PCLO: variants seen among roughly 807,000 people sequenced by gnomAD.
PCLO encodes protein piccolo.
Under a neutral mutation model 427.5 loss-of-function variants are expected in PCLO, and 82 were observed. That is an observed-to-expected ratio of 0.19 (90% CI 0.16 to 0.23). PCLO has a LOEUF of 0.23. Ranked by LOEUF, PCLO falls within the 10% of genes least tolerant of loss-of-function variation. The pLI, the probability that PCLO is intolerant of heterozygous loss-of-function variation, is 1.00. For missense variants in PCLO, 6,239 were observed against 6,115.9 expected, an observed-to-expected ratio of 1.02 and a Z score of -0.67; for synonymous variants, 2,357 against 2,155.4, an observed-to-expected ratio of 1.09 and a Z score of -2.59.
At chr7:82,763,119 A>G (rs996231640) in intron 22 of PCLO, among the ~76,000 whole-genome samples, 1 of 152,110 alleles carries the variant, frequency 6.6e-6, no homozygotes, top group African/African-American at 2.4e-5. Context: ...AAAGAAATGC[A>G]CTGAAGGATT....
intron 3 of PCLO, among the ~76,000 whole-genome samples, chr7:82,992,397 CA>C (rs1302839544): frequency 1.3e-5 from 2 of 151,922 alleles, no homozygotes; most frequent in African/African-American, 2.4e-5. Context: ...AAATGATGAC[CA>C]AAAGTTGTTC....
At chr7:83,056,544 C>T (rs544419294) in intron 3 of PCLO, among the ~76,000 whole-genome samples, 2 of 152,078 alleles carry the variant, frequency 1.3e-5, no homozygotes, top group South Asian at 2.1e-4. Flanking sequence ...TGGTCAGAAC[C>T]GTCACTTTGT....
At chr7:83,113,134 T>G (rs1284649559) in intron 3 of PCLO, among the ~76,000 whole-genome samples, 1 of 152,242 alleles carries the variant, frequency 6.6e-6, no homozygotes, top group African/African-American at 2.4e-5. Context: ...ATTTACTTCC[T>G]AATCGTTACA....
intron 10 of PCLO, among the ~76,000 whole-genome samples, chr7:82,876,480 ACACACACATACAC>A (rs1164394062): frequency 1.3e-5 from 2 of 150,448 alleles, no homozygotes; most frequent in Admixed American, 1.3e-4. Context: ...ACACACACAC[ACACACACATACAC>A]CACACACACG....
intron 3 of PCLO, among the ~76,000 whole-genome samples, chr7:83,051,068 T>G (rs961299345): frequency 3.9e-5 from 6 of 152,118 alleles, no homozygotes; most frequent in Admixed American, 2.0e-4. Context: ...CTTTCTCAAC[T>G]TGATAAAGAA....
intron 3 of PCLO, among the ~76,000 whole-genome samples, chr7:83,084,491 G>A (rs1447010264): frequency 6.6e-6 from 1 of 151,986 alleles, no homozygotes; most frequent in Non-Finnish European, 1.5e-5. Flanking sequence ...TAATGGTTAA[G>A]GCATGCTGAT....
At chr7:82,965,683 T>A in intron 4 of PCLO, 88 bp downstream of exon 4, 1 of 793,682 alleles carries the variant, frequency 1.3e-6, no homozygotes, top group Non-Finnish European at 2.0e-6. Context: ...TTCACTTATA[T>A]AATTACCATT....
rs962971397 is a variant in PCLO, at chr7:82,755,465, A to T, written c.*3110T>A. The stretch of plus-strand genomic sequence containing the variant: ...TTCTATATTCCCTGTCTTTTGTAAA[A>T]AATTCACTCTGTGCTTTTGTTTCTA... On this transcript the variant is annotated 3_prime_UTR_variant, in exon 25 of 25. Transcript: ENST00000333891. 1.2e-4 allele frequency: 18 copies of T among 152,102 alleles called. No homozygotes were observed. Among genetic ancestry groups the T allele is most frequent in the African/African-American group, 4.3e-4 (18 of 41,430 alleles). The allele number at this position is 152,102 out of a possible 1,614,324, so 9.4% of individuals were successfully genotyped here.
At chr7:83,113,506 G>T (rs1791057332) in intron 3 of PCLO, among the ~76,000 whole-genome samples, 1 of 152,088 alleles carries the variant, frequency 6.6e-6, no homozygotes, top group African/African-American at 2.4e-5. Flanking sequence ...GGGCATAACA[G>T]GAAAAAGCAA....
chr7:83,154,995 G>A lies in PCLO; in HGVS notation c.1646C>T (p.Pro549Leu), dbSNP rs779729037. The change falls in exon 2 of 25, where the codon CCC (proline) becomes CTC (leucine). Residue 549 changes from proline to leucine, a missense_variant. By Grantham distance (98) the Pro-to-Leu change is moderately conservative. Coordinates refer to ENST00000333891, the MANE Select transcript of PCLO (RefSeq NM_033026.6). ...PSAQQPSPAK[P>L]SAQQSTKPVS... ...TGGTTTTGTAGATTGCTGAGCCGAGGGCTTTGCTGGGCTAGGCTGTTGAGC... is the reference window on the plus strand; with the variant it reads ...TGGTTTTGTAGATTGCTGAGCCGAGAGCTTTGCTGGGCTAGGCTGTTGAGC... 6.2e-7 allele frequency: 1 copy of A among 1,614,048 alleles called. No homozygotes were observed.
At chr7:82,762,011 C>T (rs1223851466) in intron 22 of PCLO, among the ~76,000 whole-genome samples, 1 of 152,042 alleles carries the variant, frequency 6.6e-6, no homozygotes, top group Non-Finnish European at 1.5e-5. Flanking sequence ...TATTCATTCT[C>T]CAACAAATAT....
intron 6 of PCLO, among the ~76,000 whole-genome samples, chr7:82,941,014 G>A (rs1984817): frequency 0.53 from 79,979 of 150,966 alleles, 21,583 homozygotes; most frequent in East Asian, 0.8. Context: ...TGCCTGCCTC[G>A]GCCTCCCAAA....
At chr7:83,161,940 C>A (rs907842606) in intron 1 of PCLO, among the ~76,000 whole-genome samples, 1 of 152,108 alleles carries the variant, frequency 6.6e-6, no homozygotes, top group African/African-American at 2.4e-5. Flanking sequence ...GAAAAAGACC[C>A]GCAATGGCCA....
At chr7:82,852,692 T>C (rs902983326) in intron 10 of PCLO, among the ~76,000 whole-genome samples, 1 of 152,056 alleles carries the variant, frequency 6.6e-6, no homozygotes, top group African/African-American at 2.4e-5. Flanking sequence ...GTGAGTCAAT[T>C]CTCCTTAATA....
chr7:82,876,523 C>T (rs896427534), intron 10 of PCLO, among the ~76,000 whole-genome samples: 4 of 150,884 alleles, frequency 2.7e-5, no homozygotes, highest in African/African-American at 7.4e-5. Context: ...ATGTACTGGT[C>T]TAAACCAGGT....
intron 22 of PCLO, among the ~76,000 whole-genome samples, chr7:82,800,176 C>T (rs1314840846): frequency 5.9e-5 from 9 of 152,122 alleles, no homozygotes; most frequent in Non-Finnish European, 8.8e-5. Flanking sequence ...TTTACAATTT[C>T]GAATAGAACA....
rs1554402641 is a variant in PCLO, at chr7:83,134,243, A to ATATATATATAT, written c.3300+6_3300+7insATATATATATA. 32 of 1,088,052 alleles carry ATATATATATAT rather than the reference A, an allele frequency of 2.9e-5. No homozygotes were observed. Among genetic ancestry groups the ATATATATATAT allele is most frequent in the South Asian group, 3.3e-5 (2 of 60,970 alleles). The allele number at this position is 1,088,052 out of a possible 1,614,324, so 67.4% of individuals were successfully genotyped here. ...AATATATATATATATATATATATAT[A>ATATATATATAT]ACTTACCTCAGTCAAATGTGGTGTA... On this transcript the variant is annotated splice_region_variant and intron_variant, in intron 3 of 24. Coordinates refer to ENST00000333891, the MANE Select transcript of PCLO (RefSeq NM_033026.6).
At chr7:82,803,300 T>C (rs977953958) in intron 21 of PCLO, among the ~76,000 whole-genome samples, 2 of 152,142 alleles carry the variant, frequency 1.3e-5, no homozygotes, top group Non-Finnish European at 2.9e-5. Flanking sequence ...CTTTTTAGTA[T>C]TGGTAATCTA....
chr7:82,947,061 C>G (rs144864862), intron 6 of PCLO, among the ~76,000 whole-genome samples: 1 of 152,244 alleles, frequency 6.6e-6, no homozygotes, highest in African/African-American at 2.4e-5. Context: ...TTTTCTCCCC[C>G]TCTTTGCTTT....
Sources: gnomAD v4.1 joint callset for allele counts (sites outside exome capture counted in the v4.1 genomes callset) on GRCh38, gnomAD v4.1.1 for gene constraint, MANE v1.5 for transcripts, NCBI Gene and HGNC (gene_info 2026-07-23, HGNC 2026-07-21) for gene names.